RBM41: variants seen among roughly 807,000 people sequenced by gnomAD.
RBM41 encodes RNA binding motif protein 41.
A neutral mutation model predicts 30.8 loss-of-function variants in RBM41; 14 were observed. The observed-to-expected ratio is 0.45, with a 90% CI of 0.30 to 0.71. RBM41 has a LOEUF of 0.71. RBM41 is among the 30% of genes least tolerant of loss of function. The probability of loss-of-function intolerance (pLI) is 0.08; values close to 1 mark genes in which losing one functional copy is unlikely to be tolerated. For missense variants in RBM41, 276 were observed against 326.3 expected (o/e 0.85, Z 1.19); for synonymous variants, 120 against 110.1 (o/e 1.09, Z -0.56).
the RBM41 span, among the ~76,000 whole-genome samples, chrX:107,056,841 T>A: frequency 9.2e-6 from 1 of 108,392 alleles, no homozygotes; most frequent in African/African-American, 3.4e-5. Context: ...ATGGTTATAT[T>A]GGTTTCCTAG....
rs199966889 is a variant in RBM41, at chrX:107,098,453, C to CA, written c.596-9615dup. Among the ~76,000 whole-genome samples the CA allele has an allele frequency of 6.1e-3, 676 of 111,019 alleles. 4 individuals are homozygous for CA. The highest frequency in any genetic ancestry group is 0.021 in the African/African-American group (652 of 30,547). On this transcript the variant is annotated intron_variant, in intron 5 of 7. Transcript: ENST00000685964. Reference sequence around the variant, plus strand: ...TAAAATAGCCAAAAAGACAAAGGAACAAAAGAGAGAATCAAAAAAAAATTC... The same window carrying CA: ...TAAAATAGCCAAAAAGACAAAGGAACAAAAAGAGAGAATCAAAAAAAAATTC...
intron 5 of RBM41, among the ~76,000 whole-genome samples, chrX:107,107,817 G>T (rs369885863): frequency 1.8e-5 from 2 of 111,343 alleles, no homozygotes; most frequent in South Asian, 3.8e-4. Flanking sequence ...AGGAACTGGA[G>T]ATATAAACAG....
chrX:107,084,844 G>C lies in RBM41; in HGVS notation c.999+3592C>G, dbSNP rs143993158. Among the ~76,000 whole-genome samples, 1,047 of 112,062 alleles carry C rather than the reference G, an allele frequency of 9.3e-3. 14 individuals carry two copies. The highest frequency in any genetic ancestry group is 0.032 in the African/African-American group (984 of 30,889). On this transcript the variant is annotated intron_variant, in intron 6 of 7. Coordinates refer to ENST00000685964, the MANE Select transcript of RBM41 (RefSeq NM_001324242.2). ...AGTTTGCTCAACTGTTTTTCTTATT[G>C]TAAGACAGGAGTGATGACTTCTAAG...
downstream of RBM41, among the ~76,000 whole-genome samples, chrX:107,059,854 C>G (rs961864554): frequency 4.5e-5 from 5 of 112,031 alleles, no homozygotes; most frequent in African/African-American, 1.6e-4. Context: ...TTAGTGTTAT[C>G]AGTTTTTATA....
rs1924815960 is a variant in RBM41, at chrX:107,115,491, G to A, written c.384C>T (p.Ile128=). The A allele has an allele frequency of 8.3e-7, 1 of 1,211,755 alleles. No homozygotes were observed. Among genetic ancestry groups the A allele is most frequent in the Middle Eastern group, 2.3e-4 (1 of 4,353 alleles). Residue 128 remains isoleucine (I), a synonymous_variant, in exon 4 of 8, where the codon ATC becomes ATT. Coordinates refer to ENST00000685964, the MANE Select transcript of RBM41 (RefSeq NM_001324242.2). ...GGCAAAGAATGCGCTGACGCTCCGA[G>A]ATCCTTTCTTCAATATCTTGAAGAC... ...QNRLQDIEER[I]SERQRILCLP...
At chrX:107,082,519 T>C (rs956819014) in intron 6 of RBM41, among the ~76,000 whole-genome samples, 1 of 111,654 alleles carries the variant, frequency 9.0e-6, no homozygotes, top group African/African-American at 3.2e-5. Context: ...TTTTTTGTCA[T>C]TGTAATGTCT....
intron 6 of RBM41, among the ~76,000 whole-genome samples, chrX:107,071,454 A>C (rs970616020): frequency 1.8e-5 from 2 of 111,671 alleles, no homozygotes; most frequent in East Asian, 5.6e-4. Flanking sequence ...CAAAAACATT[A>C]TAAGAAAAAT....
chrX:107,076,316 C>CAAAT (rs55848548), intron 6 of RBM41, among the ~76,000 whole-genome samples: 12,240 of 92,652 alleles, frequency 0.13, 866 homozygotes, highest in East Asian at 0.24. Flanking sequence ...GACTCCGTCT[C>CAAAT]AAATAAATAA....
intron 5 of RBM41, among the ~76,000 whole-genome samples, chrX:107,098,132 AT>A (rs1330245940): frequency 8.9e-6 from 1 of 112,089 alleles, no homozygotes; most frequent in Non-Finnish European, 1.9e-5. Flanking sequence ...AAAACAGAAA[AT>A]GTACTGAAAG....
intron 6 of RBM41, among the ~76,000 whole-genome samples, chrX:107,072,071 G>A (rs1461259001): frequency 9.0e-6 from 1 of 111,351 alleles, no homozygotes; most frequent in Admixed American, 9.5e-5. Flanking sequence ...TCTAAGAACT[G>A]GCAAAAGACA....
At chrX:107,085,603 T>C (rs1921969877) in intron 6 of RBM41, among the ~76,000 whole-genome samples, 2 of 111,772 alleles carry the variant, frequency 1.8e-5, no homozygotes, top group Non-Finnish European at 3.8e-5. Context: ...CCTTTAAATA[T>C]ATGCCAGCAT....
rs373668428 is a variant in RBM41, at chrX:107,065,804, G to A, written c.*1723C>T. 24 of 1,111,906 alleles carry A rather than the reference G, an allele frequency of 2.2e-5. No homozygotes were observed. The highest frequency in any genetic ancestry group is 9.3e-5 in the African/African-American group (5 of 53,788). 91.6% of individuals were successfully genotyped at this position (1,111,906 alleles called of 1,213,427 possible). A position where few individuals can be genotyped will look rare whatever the true frequency, so the allele number is the denominator to read the frequency against. ...ATATTTTATACGTTATAGGCCAAAC[G>A]ATGCAACTATATACATATTGTTTTA... On this transcript the variant is annotated 3_prime_UTR_variant, in exon 8 of 8. Transcript: ENST00000685964.
intron 6 of RBM41, among the ~76,000 whole-genome samples, chrX:107,076,301 T>G (rs371454069): frequency 9.6e-6 from 1 of 103,667 alleles, no homozygotes; most frequent in African/African-American, 3.5e-5. Context: ...CAGACGACAG[T>G]GCCAGACTCC....
the RBM41 span, among the ~76,000 whole-genome samples, chrX:107,056,015 C>T: frequency 8.9e-6 from 1 of 112,319 alleles, no homozygotes; most frequent in East Asian, 2.8e-4. Context: ...CACTGAGTAT[C>T]ATGTTAGCTG....
At chrX:107,091,406 C>T (rs1367561677) in intron 5 of RBM41, among the ~76,000 whole-genome samples, 2 of 112,136 alleles carry the variant, frequency 1.8e-5, no homozygotes, top group African/African-American at 6.5e-5. Context: ...CTATAAGTAA[C>T]TGCTTTGTTT....
At chrX:107,082,301 G>A (rs1019150991) in intron 6 of RBM41, among the ~76,000 whole-genome samples, 1 of 111,501 alleles carries the variant, frequency 9.0e-6, no homozygotes, top group African/African-American at 3.2e-5. Flanking sequence ...TATTGATGTG[G>A]CAGATTATAT....
intron 5 of RBM41, among the ~76,000 whole-genome samples, chrX:107,111,601 G>GT (rs1410606427): frequency 9.0e-6 from 1 of 111,297 alleles, no homozygotes; most frequent in African/African-American, 3.3e-5. Context: ...ACCCATGTTC[G>GT]TAGCAGCATT....
Position 107,065,854 on chromosome X carries a change from A to G in RBM41, c.*1673T>C. 1.2e-6 allele frequency: 1 copy of G among 866,965 alleles called. No homozygotes were observed. The highest frequency in any genetic ancestry group is 3.8e-5 in the South Asian group (1 of 26,411). 71.4% of individuals were successfully genotyped at this position (866,965 alleles called of 1,213,427 possible). On this transcript the variant is annotated 3_prime_UTR_variant, in exon 8 of 8. Coordinates refer to ENST00000685964, the MANE Select transcript of RBM41 (RefSeq NM_001324242.2). ...ATACAACTGTGTTTTACATTAGTTA[A>G]GAGAAAAAAGAAAAATGCATAGATT...
intron 5 of RBM41, among the ~76,000 whole-genome samples, chrX:107,104,960 G>A (rs1340460574): frequency 9.0e-6 from 1 of 110,533 alleles, no homozygotes; most frequent in Non-Finnish European, 1.9e-5. Context: ...ACTGGCACAA[G>A]ACAGGGATGC....
Sources: gnomAD v4.1 joint callset for allele counts (sites outside exome capture counted in the v4.1 genomes callset) on GRCh38, gnomAD v4.1.1 for gene constraint, MANE v1.5 for transcripts, NCBI Gene and HGNC (gene_info 2026-07-23, HGNC 2026-07-21) for gene names.